The following ADGRL3 variants were observed in gnomAD, a reference collection of about 807,000 sequenced individuals.
ADGRL3 encodes the protein adhesion G protein-coupled receptor L3, also known as calcium-independent alpha-latrotoxin receptor 3.
A neutral mutation model predicts 153.5 loss-of-function variants in ADGRL3; 62 were observed. That is an observed-to-expected ratio of 0.40 (90% CI 0.33 to 0.50). ADGRL3 has a LOEUF of 0.50. ADGRL3 is among the 20% of genes least tolerant of loss of function. The pLI is 0.47. For missense variants in ADGRL3, 1,641 were observed against 1,859.4 expected, an observed-to-expected ratio of 0.88 and a Z score of 2.16; for synonymous variants, 710 against 672.5, an observed-to-expected ratio of 1.06 and a Z score of -0.86.
At chr4:61,365,548 T>C (rs1461717396) in intron 1 of ADGRL3, among the ~76,000 whole-genome samples, 2 of 152,250 alleles carry the variant, frequency 1.3e-5, no homozygotes, top group Admixed American at 1.3e-4. Context: ...TTTGCAGCAG[T>C]GCTGCTGGAT....
intron 8 of ADGRL3, among the ~76,000 whole-genome samples, chr4:61,807,250 A>G (rs1395631065): frequency 2.6e-5 from 4 of 152,082 alleles, no homozygotes; most frequent in African/African-American, 9.7e-5. Flanking sequence ...AAGGTCATTC[A>G]CATTTTTTCT....
chr4:61,450,214 G>A (rs183441809), intron 2 of ADGRL3, among the ~76,000 whole-genome samples: 1,995 of 152,186 alleles, frequency 0.013, 26 homozygotes, highest in Non-Finnish European at 0.022. Flanking sequence ...TCCTTTAATT[G>A]TTTAATCAAC....
chr4:62,000,500 A>G (rs953214645), intron 21 of ADGRL3, among the ~76,000 whole-genome samples: 2 of 152,094 alleles, frequency 1.3e-5, no homozygotes, highest in African/African-American at 4.8e-5. Context: ...GGTAGCATCA[A>G]GTTTTATATT....
chr4:61,473,619 C>A (rs534164739), intron 2 of ADGRL3, among the ~76,000 whole-genome samples: 7 of 151,802 alleles, frequency 4.6e-5, no homozygotes, highest in South Asian at 2.1e-4. Context: ...AGGAAAAAAA[C>A]CAAAACATGT....
intron 4 of ADGRL3, among the ~76,000 whole-genome samples, chr4:61,520,351 G>T (rs146238186): frequency 8.6e-4 from 131 of 152,066 alleles, no homozygotes; most frequent in African/African-American, 3.1e-3. Flanking sequence ...AGTTCATTGA[G>T]AAGATCTACA....
At position 62,078,001 on chromosome 4, in the gene ADGRL3, GT is replaced by G. The variant is rs1341441888; in HGVS notation, c.*7097del. 2 of 151,882 alleles carry G rather than the reference GT, an allele frequency of 1.3e-5. No individual in the cohort carries two copies. Among genetic ancestry groups the G allele is most frequent in the Non-Finnish European group, 2.9e-5 (2 of 67,874 alleles). 9.4% of individuals were successfully genotyped at this position (151,882 alleles called of 1,614,324 possible). On this transcript the variant is annotated 3_prime_UTR_variant, in exon 27 of 27. Transcript: ENST00000683033. ...GATAACTTGGAACTTTTTCCATACT[GT>G]TTTCCCCCTCACCAAGCATTAAATC...
chr4:61,843,520 T>C (rs956897257), intron 9 of ADGRL3, among the ~76,000 whole-genome samples: 6 of 152,150 alleles, frequency 3.9e-5, no homozygotes, highest in Non-Finnish European at 7.3e-5. Context: ...AGAGGAGCCA[T>C]TGTGGATCAC....
intron 24 of ADGRL3, among the ~76,000 whole-genome samples, chr4:62,038,129 C>T (rs1159303944): frequency 6.6e-6 from 1 of 151,868 alleles, no homozygotes; most frequent in Non-Finnish European, 1.5e-5. Context: ...AGGAATTTGC[C>T]GTTTCACCCA....
intron 5 of ADGRL3, among the ~76,000 whole-genome samples, chr4:61,607,982 C>A (rs2099039120): frequency 1.3e-5 from 2 of 152,200 alleles, no homozygotes. Flanking sequence ...GGCTAGATTT[C>A]TCTCACTGTC....
At chr4:61,469,918 T>C (rs1291023807) in intron 2 of ADGRL3, among the ~76,000 whole-genome samples, 1 of 151,678 alleles carries the variant, frequency 6.6e-6, no homozygotes, top group Non-Finnish European at 1.5e-5. Flanking sequence ...TTATATTTAG[T>C]TTGTTTTAAA....
intron 2 of ADGRL3, among the ~76,000 whole-genome samples, chr4:61,489,355 TA>T (rs5858705): frequency 0.12 from 17,511 of 148,222 alleles, 1,276 homozygotes; most frequent in Non-Finnish European, 0.15. Flanking sequence ...TAGCTTAGTT[TA>T]AAAAAAAAAA....
At chr4:61,861,487 A>C (rs2149282266) in intron 9 of ADGRL3, among the ~76,000 whole-genome samples, 1 of 152,194 alleles carries the variant, frequency 6.6e-6, no homozygotes, top group African/African-American at 2.4e-5. Context: ...CAATCTTGAC[A>C]AAGTCAAGCC....
At chr4:61,520,122 G>C (rs796665185) in intron 4 of ADGRL3, among the ~76,000 whole-genome samples, 85 of 152,188 alleles carry the variant, frequency 5.6e-4, no homozygotes, top group African/African-American at 1.9e-3. Context: ...ATACAAATTA[G>C]GACATCTTGG....
intron 3 of ADGRL3, among the ~76,000 whole-genome samples, chr4:61,507,517 A>G (rs1001440409): frequency 6.6e-6 from 1 of 152,224 alleles, no homozygotes; most frequent in Non-Finnish European, 1.5e-5. Flanking sequence ...CTTGTTAAAC[A>G]GAATTTAGGC....
chr4:61,727,745 T>C (rs1432910398), intron 6 of ADGRL3, among the ~76,000 whole-genome samples: 6 of 152,130 alleles, frequency 3.9e-5, no homozygotes. Flanking sequence ...TTTACTTTCT[T>C]CCCCACCCAT....
rs115737813 is a variant in ADGRL3, at chr4:61,926,816, A to G, written c.2113-8024A>G. 5.1e-3 allele frequency among the ~76,000 whole-genome samples: 783 copies of G among 152,202 alleles called. 4 individuals carry two copies. Among genetic ancestry groups the G allele is most frequent in the African/African-American group, 0.018 (751 of 41,532 alleles). ...TGTAAATACCTTAACATAGTTTGCA[A>G]CCTCTTTGAAATCTATCCTTCACTT... On this transcript the variant is annotated intron_variant, in intron 13 of 26. Coordinates refer to ENST00000683033, the MANE Select transcript of ADGRL3 (RefSeq NM_001387552.1).
chr4:61,299,240 C>A (rs543882707), intron 1 of ADGRL3, among the ~76,000 whole-genome samples: 18 of 152,128 alleles, frequency 1.2e-4, no homozygotes, highest in African/African-American at 4.3e-4. Context: ...ATATCACAAG[C>A]AAAGCATAAG....
At chr4:61,482,973 C>G (rs1432642153) in intron 2 of ADGRL3, among the ~76,000 whole-genome samples, 1 of 152,132 alleles carries the variant, frequency 6.6e-6, no homozygotes, top group Non-Finnish European at 1.5e-5. Context: ...CTATCTGACT[C>G]AAATAATTGG....
chr4:61,430,438 A>G (rs939012982), intron 2 of ADGRL3, among the ~76,000 whole-genome samples: 1 of 152,234 alleles, frequency 6.6e-6, no homozygotes, highest in Non-Finnish European at 1.5e-5. Context: ...TCTGATTTAT[A>G]AAAGTATATC....
Sources: gnomAD v4.1 joint callset for allele counts (sites outside exome capture counted in the v4.1 genomes callset) on GRCh38, gnomAD v4.1.1 for gene constraint, MANE v1.5 for transcripts, NCBI Gene and HGNC (gene_info 2026-07-23, HGNC 2026-07-21) for gene names.